RANBP3L: variants seen among roughly 807,000 people sequenced by gnomAD.
RANBP3L encodes the protein RAN binding protein 3 like.
A neutral mutation model predicts 67.2 loss-of-function variants in RANBP3L; 56 were observed. That is an observed-to-expected ratio of 0.83 (90% CI 0.67 to 1.04). The LOEUF is 1.04. Ranked by LOEUF, RANBP3L falls within the 50% of genes least tolerant of loss-of-function variation. The pLI, the probability that RANBP3L is intolerant of heterozygous loss-of-function variation, is 0.00. For synonymous variants in RANBP3L, 164 were observed against 181.4 expected, an observed-to-expected ratio of 0.90 and a Z score of 0.77; for missense variants, 496 against 535.5, an observed-to-expected ratio of 0.93 and a Z score of 0.73.
Position 36,255,478 on chromosome 5 carries a change from G to C in RANBP3L, c.1016C>G (p.Ser339Ter), listed in dbSNP as rs1748903606. ...ACAAAAGGATTCCTTACTTAGTCTT[G>C]ACTGTAATGTTCCACAGTCAGTGCT... ...TASTDCGTLQ[S>*]RLIMRNQGSL... The change falls in exon 11 of 14, where the codon TCA (serine) becomes TGA (stop). Residue 339 changes from serine to a stop codon, truncating the protein, a stop_gained. Transcript: ENST00000296604. LOFTEE classifies it high-confidence loss of function. 2 of 1,609,486 alleles carry C rather than the reference G, an allele frequency of 1.2e-6. No individual in the cohort carries two copies. The highest frequency in any genetic ancestry group is 3.4e-5 in the Admixed American group (2 of 59,560).
chr5:36,274,469 G>A (rs983176894), intron 1 of RANBP3L, among the ~76,000 whole-genome samples: 1 of 151,988 alleles, frequency 6.6e-6, no homozygotes, highest in African/African-American at 2.4e-5. Flanking sequence ...GTAGAAGAAG[G>A]ACATTCCAAG....
At chr5:36,267,884 A>G (rs1749922774) in intron 4 of RANBP3L, among the ~76,000 whole-genome samples, 1 of 152,208 alleles carries the variant, frequency 6.6e-6, no homozygotes, top group Non-Finnish European at 1.5e-5. Context: ...ATGTAGATGG[A>G]CAATAGTAAG....
chr5:36,248,161 T>C lies in RANBP3L; in HGVS notation c.*1493A>G, dbSNP rs1748387884. On this transcript the variant is annotated 3_prime_UTR_variant, in exon 14 of 14. Transcript: ENST00000296604. ...CTTTCTTTCGTACTAAATCTCTTTT[T>C]CCCCTTCTATCTTTTCTTCATCTCT... is the stretch of plus-strand genomic sequence containing the variant. Among the ~76,000 whole-genome samples, 1 of 152,212 alleles carries C rather than the reference T, an allele frequency of 6.6e-6. No homozygotes were observed. The highest frequency in any genetic ancestry group is 2.4e-5 in the African/African-American group (1 of 41,450).
intron 4 of RANBP3L, among the ~76,000 whole-genome samples, chr5:36,267,507 C>CA (rs1326176266): frequency 0.019 from 2,846 of 149,686 alleles, 87 homozygotes; most frequent in African/African-American, 0.067. Context: ...GACTCCGTCT[C>CA]AAAAAAAAAA....
At chr5:36,276,160 A>G (rs1298123335) in intron 1 of RANBP3L, among the ~76,000 whole-genome samples, 2 of 152,190 alleles carry the variant, frequency 1.3e-5, no homozygotes, top group Non-Finnish European at 2.9e-5. Flanking sequence ...CACTGAGTTC[A>G]GAAAGCAATC....
At chr5:36,262,862 C>G (rs1191865330) in intron 6 of RANBP3L, among the ~76,000 whole-genome samples, 1 of 152,120 alleles carries the variant, frequency 6.6e-6, no homozygotes, top group Non-Finnish European at 1.5e-5. Flanking sequence ...CCTAGTCATT[C>G]AGATAATGTA....
Position 36,265,986 on chromosome 5 carries a change from A to AC in RANBP3L, c.269-467_269-466insG, listed in dbSNP as rs1319763408. On this transcript the variant is annotated intron_variant, in intron 4 of 13. Transcript: ENST00000296604. ...GAGCGAGACTCCATTTCAAAAAAAA[A>AC]AAAAAAAAAAAAAAGATATTGCCGG... is the stretch of plus-strand genomic sequence containing the variant. Among the ~76,000 whole-genome samples the AC allele has an allele frequency of 3.9e-3, 584 of 148,152 alleles. 5 individuals carry two copies. The highest frequency in any genetic ancestry group is 0.014 in the African/African-American group (545 of 37,992).
chr5:36,286,452 C>G (rs1751330016), intron 1 of RANBP3L, among the ~76,000 whole-genome samples: 1 of 152,168 alleles, frequency 6.6e-6, no homozygotes, highest in Admixed American at 6.5e-5. Context: ...CTTGATCATA[C>G]TGGCATCCTT....
chr5:36,258,754 G>C (rs1019818361), intron 8 of RANBP3L, among the ~76,000 whole-genome samples: 1 of 152,180 alleles, frequency 6.6e-6, no homozygotes, highest in Non-Finnish European at 1.5e-5. Context: ...CTCTCTGCCT[G>C]CTCTTATTAG....
intron 4 of RANBP3L, among the ~76,000 whole-genome samples, chr5:36,267,046 C>G (rs1339865320): frequency 6.6e-6 from 1 of 152,194 alleles, no homozygotes; most frequent in Admixed American, 6.5e-5. Context: ...CATGAGCCAA[C>G]ACGCCCAGCC....
At chr5:36,292,448 T>G (rs1435203438) in intron 1 of RANBP3L, among the ~76,000 whole-genome samples, 2 of 152,192 alleles carry the variant, frequency 1.3e-5, no homozygotes, top group African/African-American at 2.4e-5. Context: ...CCATTGCTTT[T>G]GGTGTTTTAG....
chr5:36,257,163 G>A (rs2111692855), intron 9 of RANBP3L, 92 bp from the exon 10 acceptor site: 1 of 1,100,946 alleles, frequency 9.1e-7, no homozygotes, highest in African/African-American at 1.6e-5. Flanking sequence ...ATATCTACTT[G>A]GCTTCTTCTA....
In RANBP3L at chr5:36,257,451, TACTTGA is replaced by T. The variant is rs773420375; in HGVS notation, c.769_772+2del. ...AATGTTTTACAAATGAAAGAATTCT[TACTTGA>T]ACTTAAAAAGTTGACAGGAAATTTC... On this transcript the variant is annotated splice_donor_variant and coding_sequence_variant, in exon 9 of 14. Transcript: ENST00000296604. LOFTEE classifies it high-confidence loss of function. 2 of 1,420,994 alleles carry T rather than the reference TACTTGA, an allele frequency of 1.4e-6. No homozygotes were observed. Among genetic ancestry groups the T allele is most frequent in the African/African-American group, 2.8e-5 (2 of 70,892 alleles). 88.0% of individuals were successfully genotyped at this position (1,420,994 alleles called of 1,614,324 possible).
chr5:36,290,224 C>CTTTTTTTT (rs33974139), intron 1 of RANBP3L, among the ~76,000 whole-genome samples: 7 of 143,990 alleles, frequency 4.9e-5, no homozygotes, highest in African/African-American at 5.2e-5. Context: ...TCTGTCTCAC[C>CTTTTTTTT]TTTTTTTTTT....
At chr5:36,287,832 G>A (rs1579770054) in intron 1 of RANBP3L, among the ~76,000 whole-genome samples, 1 of 152,176 alleles carries the variant, frequency 6.6e-6, no homozygotes, top group African/African-American at 2.4e-5. Context: ...GCTGACTAAA[G>A]TTATACTAAC....
chr5:36,253,562 A>G (rs1251457958), intron 12 of RANBP3L, 85 bp downstream of exon 12: 3 of 1,095,940 alleles, frequency 2.7e-6, no homozygotes, highest in Admixed American at 3.7e-5. Context: ...ACAGATTATT[A>G]TACCTAATGA....
At chr5:36,259,691 A>G (rs150544639) in intron 8 of RANBP3L, among the ~76,000 whole-genome samples, 177 of 152,164 alleles carry the variant, frequency 1.2e-3, no homozygotes, top group African/African-American at 4.1e-3. Flanking sequence ...GGGATTCTTC[A>G]TGTAACTGGT....
chr5:36,255,628 A>C lies in RANBP3L; in HGVS notation c.904-38T>G, dbSNP rs751276015. The C allele has an allele frequency of 4.7e-6, 7 of 1,504,442 alleles. No homozygotes were observed. In the African/African-American group the frequency reaches 5.6e-5, roughly 12 times the overall value. The allele number at this position is 1,504,442 out of a possible 1,614,324, so 93.2% of individuals were successfully genotyped here. ...TTTTTAAAATGTCAAATATATAGAA[A>C]ATTTTTTCAAAGTAAATTATTTCCT... On this transcript the variant is annotated intron_variant, in intron 10 of 13. Coordinates refer to ENST00000296604, the MANE Select transcript of RANBP3L (RefSeq NM_145000.5).
At chr5:36,297,629 C>T (rs891631104) in intron 1 of RANBP3L, among the ~76,000 whole-genome samples, 3 of 152,152 alleles carry the variant, frequency 2.0e-5, no homozygotes, top group Admixed American at 1.3e-4. Flanking sequence ...TTTGCTGAGG[C>T]TGTATAGACA....
Sources: allele counts gnomAD v4.1 joint callset (sites outside exome capture counted in the v4.1 genomes callset), GRCh38; gene constraint gnomAD v4.1.1; transcripts MANE v1.5; gene names NCBI Gene and HGNC (gene_info 2026-07-23, HGNC 2026-07-21).